KLHL7: variants seen among roughly 807,000 people sequenced by gnomAD.
KLHL7 encodes the protein kelch-like protein 7.
In KLHL7, 44 loss-of-function variants were observed where a neutral mutation model predicts 67.4. The observed-to-expected ratio is 0.65, with a 90% CI of 0.51 to 0.84. The LOEUF (loss-of-function observed/expected upper bound fraction) is 0.84. KLHL7 is among the 40% of genes least tolerant of loss of function. The probability of loss-of-function intolerance (pLI) is 0.00; values close to 1 mark genes in which losing one functional copy is unlikely to be tolerated. For missense variants in KLHL7, 362 were observed against 718.1 expected, an observed-to-expected ratio of 0.50 and a Z score of 5.67; for synonymous variants, 252 against 243.3, an observed-to-expected ratio of 1.04 and a Z score of -0.33.
rs1297695766 is a variant in KLHL7 at position 23,176,718 on chromosome 7, A to C, written c.*2420A>C. 3 of 151,158 alleles carry C rather than the reference A, an allele frequency of 2.0e-5. No individual in the cohort carries two copies. Among genetic ancestry groups the C allele is most frequent in the Non-Finnish European group, 4.4e-5 (3 of 68,056 alleles). The allele number at this position is 151,158 out of a possible 1,614,324, so 9.4% of individuals were successfully genotyped here. ...GCTGGGCGCTGTGTCTCACGCCCTT[A>C]ATCCCAGCACTTTGGGAGGCCGAGG... On this transcript the variant is annotated 3_prime_UTR_variant, in exon 11 of 11. Coordinates refer to ENST00000339077, the MANE Select transcript of KLHL7 (RefSeq NM_001031710.3).
Position 23,117,963 on chromosome 7 carries a change from A to G in KLHL7, c.121-5814A>G, listed in dbSNP as rs17147682. ...TTCTTGACAAGCCACATAAATCTAA[A>G]GGTTAGTCATTCCTCAGTCTTCTCT... On this transcript the variant is annotated intron_variant, in intron 1 of 10. Coordinates refer to ENST00000339077, the MANE Select transcript of KLHL7 (RefSeq NM_001031710.3). 8.6e-3 allele frequency: 13,907 copies of G among 1,614,014 alleles called. 598 individuals are homozygous for G. The East Asian group carries it at 0.13, about 15-fold the overall frequency.
At chr7:23,161,681 A>T (rs1784858062) in intron 7 of KLHL7, among the ~76,000 whole-genome samples, 1 of 152,234 alleles carries the variant, frequency 6.6e-6, no homozygotes, top group South Asian at 2.1e-4. Context: ...CATAATGATA[A>T]GATGCCAGCT....
intron 7 of KLHL7, 131 bp downstream of exon 7, chr7:23,152,340 TTATGA>T: frequency 1.2e-6 from 1 of 819,930 alleles, no homozygotes; most frequent in Non-Finnish European, 2.0e-6. Context: ...TTCACATATG[TTATGA>T]GATACATAGA....
At chr7:23,110,529 T>C (rs1359916112) in intron 1 of KLHL7, among the ~76,000 whole-genome samples, 2 of 152,110 alleles carry the variant, frequency 1.3e-5, no homozygotes, top group African/African-American at 4.8e-5. Context: ...CCATTCTTAA[T>C]CTCAACATAC....
At chr7:23,125,532 C>T (rs917663010) in intron 4 of KLHL7, among the ~76,000 whole-genome samples, 2 of 152,112 alleles carry the variant, frequency 1.3e-5, no homozygotes, top group Non-Finnish European at 1.5e-5. Flanking sequence ...GATGAGGCAA[C>T]TTATAGTTAG....
At chr7:23,152,015 G>T in intron 6 of KLHL7, 52 bp from the exon 7 acceptor site, 1 of 1,590,198 alleles carries the variant, frequency 6.3e-7, no homozygotes, top group African/African-American at 1.3e-5. Context: ...CGTTTTCAAA[G>T]CACTGGTTAG....
chr7:23,161,646 G>C (rs1209335423), intron 7 of KLHL7, among the ~76,000 whole-genome samples: 1 of 152,144 alleles, frequency 6.6e-6, no homozygotes, highest in Admixed American at 6.5e-5. Flanking sequence ...GTTTTCAGTG[G>C]TGCAGCCACC....
intron 4 of KLHL7, among the ~76,000 whole-genome samples, chr7:23,137,455 T>G (rs1562568819): frequency 6.7e-6 from 1 of 149,438 alleles, no homozygotes; most frequent in African/African-American, 2.5e-5. Flanking sequence ...ACTATAGACA[T>G]GAAAGCAAAA....
At chr7:23,169,129 C>CAT (rs1785083944) in intron 9 of KLHL7, among the ~76,000 whole-genome samples, 1 of 152,004 alleles carries the variant, frequency 6.6e-6, no homozygotes, top group Non-Finnish European at 1.5e-5. Flanking sequence ...GGTGTTGTGG[C>CAT]GCGTGCCTGT....
chr7:23,106,404 C>T, intron 1 of KLHL7: 1 of 1,322,732 alleles, frequency 7.6e-7, no homozygotes, highest in African/African-American at 1.5e-5. Flanking sequence ...GGCTGGCTTT[C>T]GCCGTCGGGT....
At chr7:23,122,221 T>C (rs1783383142) in intron 1 of KLHL7, among the ~76,000 whole-genome samples, 1 of 152,200 alleles carries the variant, frequency 6.6e-6, no homozygotes, top group Admixed American at 6.5e-5. Flanking sequence ...GCCTTGGAGA[T>C]GTTTTTGCTG....
intron 4 of KLHL7, among the ~76,000 whole-genome samples, chr7:23,138,066 C>T (rs1369851095): frequency 6.6e-6 from 1 of 151,852 alleles, no homozygotes; most frequent in Non-Finnish European, 1.5e-5. Context: ...ATCCCAGCTA[C>T]TCAGGAGGCT....
In KLHL7 at chr7:23,169,839, A is replaced by G. The variant is rs558627583; in HGVS notation, c.1379+1802A>G. Among the ~76,000 whole-genome samples the G allele has an allele frequency of 2.0e-5, 3 of 152,322 alleles. No homozygotes were observed. In the East Asian group the frequency reaches 5.8e-4, roughly 29 times the overall value. On this transcript the variant is annotated intron_variant, in intron 9 of 10. Coordinates refer to ENST00000339077, the MANE Select transcript of KLHL7 (RefSeq NM_001031710.3). The stretch of plus-strand genomic sequence containing the variant: ...TCTCTATGTTCCCTTCAATGCCCTT[A>G]AATTTTCACAAATGAAAAGCTAGTG...
intron 6 of KLHL7, among the ~76,000 whole-genome samples, chr7:23,147,006 T>A (rs1046449592): frequency 6.7e-6 from 1 of 148,774 alleles, no homozygotes; most frequent in African/African-American, 2.4e-5. Flanking sequence ...AATTTTCTTA[T>A]GAGTAATTTT....
chr7:23,116,253 A>C (rs964515571), intron 1 of KLHL7, among the ~76,000 whole-genome samples: 1 of 152,172 alleles, frequency 6.6e-6, no homozygotes, highest in Non-Finnish European at 1.5e-5. Context: ...CATTTGTCTC[A>C]GCTGGAGAAT....
chr7:23,152,487 T>C (rs939051157), intron 7 of KLHL7, among the ~76,000 whole-genome samples: 4 of 132,998 alleles, frequency 3.0e-5, no homozygotes. Context: ...CAGCAGCTCC[T>C]TGCATTCATT....
rs149783928 is a variant in KLHL7, at chr7:23,150,872, C to T, written c.794-1195C>T. 8.9e-3 allele frequency among the ~76,000 whole-genome samples: 1,360 copies of T among 152,246 alleles called. 18 individuals are homozygous for T. Among genetic ancestry groups the T allele is most frequent in the African/African-American group, 0.031 (1,280 of 41,528 alleles). ...TAACTAGAGCACTCAAGCATCTTTTCATATGTTTAAGAGTTATAGTTCTTT... is the reference window on the plus strand; with the variant it reads ...TAACTAGAGCACTCAAGCATCTTTTTATATGTTTAAGAGTTATAGTTCTTT... On this transcript the variant is annotated intron_variant, in intron 6 of 10. Transcript: ENST00000339077.
At chr7:23,125,367 A>T (rs2128460528) in intron 4 of KLHL7, 195 bp downstream of exon 4, 1 of 592,784 alleles carries the variant, frequency 1.7e-6, no homozygotes, top group Admixed American at 3.2e-5. Flanking sequence ...AAGCTTATTA[A>T]ATATTATATC....
intron 10 of KLHL7, among the ~76,000 whole-genome samples, chr7:23,173,266 T>G (rs1785217374): frequency 6.6e-6 from 1 of 152,178 alleles, no homozygotes; most frequent in Non-Finnish European, 1.5e-5. Flanking sequence ...ATTGTGACAA[T>G]TTTAGATGGC....
Sources: allele counts gnomAD v4.1 joint callset (sites outside exome capture counted in the v4.1 genomes callset), GRCh38; gene constraint gnomAD v4.1.1; transcripts MANE v1.5; gene names NCBI Gene and HGNC (gene_info 2026-07-23, HGNC 2026-07-21).